Variants in PCDHGB6 observed in about 807,000 individuals in gnomAD.
PCDHGB6 encodes protocadherin gamma subfamily B, 6.
PCDHGB6 carries 51 observed loss-of-function variants against 59.1 expected under a neutral mutation model. The ratio of observed to expected loss-of-function variants is 0.86; its 90% confidence interval spans 0.69 to 1.09. The LOEUF is 1.09. Among genes scored for constraint, PCDHGB6 ranks in the 50% least tolerant of loss-of-function variants. PCDHGB6 has a pLI of 0.00. For missense variants in PCDHGB6, 1,148 were observed against 1,205.1 expected, an observed-to-expected ratio of 0.95 and a Z score of 0.70; for synonymous variants, 466 against 495.1, an observed-to-expected ratio of 0.94 and a Z score of 0.78.
intron 1 of PCDHGB6, among the ~76,000 whole-genome samples, chr5:141,455,246 G>A (rs2098817522): frequency 6.6e-6 from 1 of 151,962 alleles, no homozygotes; most frequent in Non-Finnish European, 1.5e-5. Context: ...AAAGGTCATA[G>A]TACAATCGCA....
intron 2 of PCDHGB6, among the ~76,000 whole-genome samples, chr5:141,503,596 C>T (rs1267014587): frequency 7.7e-6 from 1 of 129,694 alleles, no homozygotes; most frequent in African/African-American, 3.3e-5. Context: ...GAGACTCCAG[C>T]TCAAAAAAAA....
rs1016254258 is a variant in PCDHGB6 at position 141,489,870 on chromosome 5, G to C, written c.2419-4937G>C. ...GTGAAGCCCAGGCAAGACATCAGCT[G>C]GTGCTTACTGCTGTGGATGGGGGGA... On this transcript the variant is annotated intron_variant, in intron 1 of 3. Transcript: ENST00000520790. The surrounding 1 kb of genome is among the most constrained non-coding windows in gnomAD (Gnocchi z 4.5). The C allele has an allele frequency of 2.0e-5, 32 of 1,614,102 alleles. No homozygotes were observed. Among genetic ancestry groups the C allele is most frequent in the African/African-American group, 4.0e-5 (3 of 74,944 alleles).
At chr5:141,417,667 C>A (rs545100460) in intron 1 of PCDHGB6, 5 of 918,744 alleles carry the variant, frequency 5.4e-6, no homozygotes, top group South Asian at 3.8e-5. Flanking sequence ...GGATTCCCTG[C>A]GCAGCCAACA....
chr5:141,433,358 C>CCTATCTATCTATCTATCTAT (rs3074541), intron 1 of PCDHGB6: 39 of 504,044 alleles, frequency 7.7e-5, no homozygotes, highest in Admixed American at 1.8e-4. Context: ...CTACTGTCTG[C>CCTATCTATCTATCTATCTAT]CTATCTATCT....
At chr5:141,440,382 C>T (rs898655247) in intron 1 of PCDHGB6, 2 of 152,178 alleles carry the variant, frequency 1.3e-5, no homozygotes, top group Non-Finnish European at 2.9e-5. Context: ...AGGAGAATCG[C>T]TTGAACCCGA....
At chr5:141,506,237 T>G (rs558256375) in intron 3 of PCDHGB6, among the ~76,000 whole-genome samples, 1 of 152,014 alleles carries the variant, frequency 6.6e-6, no homozygotes, top group South Asian at 2.1e-4. Flanking sequence ...GATCATGAGG[T>G]CAGGAGTTCG....
In PCDHGB6 at chr5:141,485,842, T is replaced by C; in HGVS notation, c.2419-8965T>C. ...TCGATGGAGGGAACCCGCCGAGATC[T>C]GGCACCGCAGAGCTCCGGGTATCCG... On this transcript the variant is annotated intron_variant, in intron 1 of 3. Coordinates refer to ENST00000520790, the MANE Select transcript of PCDHGB6 (RefSeq NM_018926.3). This position sits in a 1 kb window ranked among gnomAD's most constrained non-coding sequence, Gnocchi z 5.7. 1 of 1,614,002 alleles carries C rather than the reference T, an allele frequency of 6.2e-7. No homozygotes were observed. Among genetic ancestry groups the C allele is most frequent in the Non-Finnish European group, 8.5e-7 (1 of 1,179,982 alleles).
chr5:141,432,908 C>G lies in PCDHGB6; in HGVS notation c.2418+22288C>G, dbSNP rs757934634. 6.2e-7 allele frequency: 1 copy of G among 1,614,168 alleles called. No homozygotes were observed. Reference sequence around the variant, plus strand: ...CATCTTGCTGCTGGCGCTCAGGCTGCGGCGCTGGCACAAGTCACGCCTGCT... The same window carrying G: ...CATCTTGCTGCTGGCGCTCAGGCTGGGGCGCTGGCACAAGTCACGCCTGCT... On this transcript the variant is annotated intron_variant, in intron 1 of 3. Transcript: ENST00000520790. This position sits in a 1 kb window ranked among gnomAD's most constrained non-coding sequence, Gnocchi z 6.0.
chr5:141,475,167 G>A (rs529813171), intron 1 of PCDHGB6, among the ~76,000 whole-genome samples: 4 of 152,042 alleles, frequency 2.6e-5, no homozygotes, highest in Admixed American at 6.6e-5. Flanking sequence ...CATTAGCAGT[G>A]CAACTTCTTG....
intron 1 of PCDHGB6, chr5:141,423,436 C>A (rs2096740667): frequency 6.2e-7 from 1 of 1,613,782 alleles, no homozygotes; most frequent in Non-Finnish European, 8.5e-7. Context: ...GGCAGGTATG[C>A]CCACGTCACA....
At chr5:141,480,726 G>A (rs2099524533) in intron 1 of PCDHGB6, among the ~76,000 whole-genome samples, 1 of 152,138 alleles carries the variant, frequency 6.6e-6, no homozygotes, top group Non-Finnish European at 1.5e-5. Context: ...CACAGTCTCT[G>A]GGGGTGGGAC....
intron 1 of PCDHGB6, among the ~76,000 whole-genome samples, chr5:141,480,272 G>A (rs903112862): frequency 7.2e-6 from 1 of 138,796 alleles, no homozygotes; most frequent in African/African-American, 3.0e-5. Flanking sequence ...TTCATTAGCT[G>A]GGTGTGTTGG....
chr5:141,408,133 T>A lies in PCDHGB6; in HGVS notation c.-70T>A. 3.4e-6 allele frequency: 5 copies of A among 1,483,848 alleles called. No homozygotes were observed. The highest frequency in any genetic ancestry group is 4.5e-6 in the Non-Finnish European group (5 of 1,114,430). 91.9% of individuals were successfully genotyped at this position (1,483,848 alleles called of 1,614,324 possible). A position where few individuals can be genotyped will look rare whatever the true frequency, so the allele number is the denominator to read the frequency against. ...ACTCCTCCTGTCCTGGGCCGAATGC[T>A]CTTTTAGCGCGGTAGAGTGCACTTT... is the stretch of plus-strand genomic sequence containing the variant. On this transcript the variant is annotated 5_prime_UTR_variant, in exon 1 of 4. Coordinates refer to ENST00000520790, the MANE Select transcript of PCDHGB6 (RefSeq NM_018926.3).
intron 1 of PCDHGB6, among the ~76,000 whole-genome samples, chr5:141,472,122 G>A (rs898092092): frequency 6.6e-6 from 1 of 152,176 alleles, no homozygotes; most frequent in African/African-American, 2.4e-5. Flanking sequence ...GAAAATAAAA[G>A]AGAAGTTAAA....
intron 1 of PCDHGB6, chr5:141,423,804 T>A: frequency 8.1e-7 from 1 of 1,240,508 alleles, no homozygotes; most frequent in Non-Finnish European, 1.0e-6. Context: ...GAGCAATACA[T>A]GTGAGTTTTA....
In PCDHGB6 at chr5:141,486,440, A is replaced by G; in HGVS notation, c.2419-8367A>G. 6.2e-7 allele frequency: 1 copy of G among 1,614,114 alleles called. No individual in the cohort carries two copies. The highest frequency in any genetic ancestry group is 8.5e-7 in the Non-Finnish European group (1 of 1,179,936). On this transcript the variant is annotated intron_variant, in intron 1 of 3. Coordinates refer to ENST00000520790, the MANE Select transcript of PCDHGB6 (RefSeq NM_018926.3). This position sits in a 1 kb window ranked among gnomAD's most constrained non-coding sequence, Gnocchi z 5.0. ...TCGAGAGGCCAAATCTAGCTATGACATCATGGTCACTGCTTCTGATGCTGG... is the reference window on the plus strand; with the variant it reads ...TCGAGAGGCCAAATCTAGCTATGACGTCATGGTCACTGCTTCTGATGCTGG...
At chr5:141,441,791 C>T in intron 1 of PCDHGB6, 1 of 390,714 alleles carries the variant, frequency 2.6e-6, no homozygotes, top group Non-Finnish European at 5.1e-6. Flanking sequence ...TGAATGACAA[C>T]GCACCGCGGG....
chr5:141,422,056 G>C lies in PCDHGB6; in HGVS notation c.2418+11436G>C, dbSNP rs1003977721. 1.2e-6 allele frequency: 2 copies of C among 1,611,816 alleles called. No individual in the cohort carries two copies. The highest frequency in any genetic ancestry group is 2.7e-5 in the African/African-American group (2 of 74,764). ...GGATCCAGACGAGGGAATCAACGGG[G>C]AAGTAATGTATTCATTTCGGAACAT... On this transcript the variant is annotated intron_variant, in intron 1 of 3. Transcript: ENST00000520790.
In PCDHGB6 at chr5:141,489,255, A is replaced by G. The variant is rs909780010; in HGVS notation, c.2419-5552A>G. 2 of 1,548,804 alleles carry G rather than the reference A, an allele frequency of 1.3e-6. No individual in the cohort carries two copies. Among genetic ancestry groups the G allele is most frequent in the Non-Finnish European group, 1.7e-6 (2 of 1,147,848 alleles). On this transcript the variant is annotated intron_variant, in intron 1 of 3. Coordinates refer to ENST00000520790, the MANE Select transcript of PCDHGB6 (RefSeq NM_018926.3). The surrounding 1 kb of genome is among the most constrained non-coding windows in gnomAD (Gnocchi z 4.5). ...ACTTCTGGGTCATGGGGCCCAAGAC[A>G]CTCCCACAGCTCGCTGGGAAATGGC...
Sources: gnomAD v4.1 joint callset for allele counts (sites outside exome capture counted in the v4.1 genomes callset) on GRCh38, gnomAD v4.1.1 for gene constraint, Gnocchi (gnomAD v3.1) non-coding constraint, MANE v1.5 for transcripts, NCBI Gene and HGNC (gene_info 2026-07-23, HGNC 2026-07-21) for gene names.